MGMT: variants seen among roughly 807,000 people sequenced by gnomAD.
MGMT encodes methylated-DNA--protein-cysteine methyltransferase.
MGMT carries 14 observed loss-of-function variants against 15.9 expected under a neutral mutation model. That is an observed-to-expected ratio of 0.88 (90% CI 0.58 to 1.37). The LOEUF is 1.37. MGMT is among the 40% of genes most tolerant of loss of function. The pLI, the probability that MGMT is intolerant of heterozygous loss-of-function variation, is 0.00. For synonymous variants in MGMT, 130 were observed against 118.2 expected (o/e 1.10, Z -0.65); for missense variants, 282 against 268.1 (o/e 1.05, Z -0.36).
chr10:129,718,745 C>T lies in MGMT; in HGVS notation c.274+10702C>T, dbSNP rs1453575824. 3.3e-5 allele frequency among the ~76,000 whole-genome samples: 5 copies of T among 151,918 alleles called. No individual in the cohort carries two copies. The South Asian group carries it at 6.2e-4, about 19-fold the overall frequency. ...GAGCCAGTCTGCATGCCTGCTAAGG[C>T]GTGTCACCTTCCGCTCAGGTGTGTC... On this transcript the variant is annotated intron_variant, in intron 3 of 4. Coordinates refer to ENST00000651593, the MANE Select transcript of MGMT (RefSeq NM_002412.5).
chr10:129,770,637 C>T lies in MGMT; in HGVS notation c.*3640C>T, dbSNP rs1026238220. 1.3e-5 allele frequency among the ~76,000 whole-genome samples: 2 copies of T among 152,226 alleles called. No homozygotes were observed. Among genetic ancestry groups the T allele is most frequent in the Non-Finnish European group, 2.9e-5 (2 of 68,046 alleles). On this transcript the variant is annotated 3_prime_UTR_variant, in exon 5 of 5. Transcript: ENST00000651593. Reference sequence around the variant, plus strand: ...CATGAAGCTACAGATCTTAGTGCTACTTGGGCTTCTCACAGCACAGAGGAG... The same window carrying T: ...CATGAAGCTACAGATCTTAGTGCTATTTGGGCTTCTCACAGCACAGAGGAG...
intron 2 of MGMT, among the ~76,000 whole-genome samples, chr10:129,551,887 G>A (rs950295108): frequency 6.6e-6 from 1 of 152,166 alleles, no homozygotes; most frequent in Non-Finnish European, 1.5e-5. Context: ...GTGACCCCAG[G>A]CCACAGAAAC....
chr10:129,482,212 A>G lies in MGMT; in HGVS notation c.-13+14916A>G, dbSNP rs1845366216. ...TTCCAAGAATTTGGGGATTTAAAAA[A>G]TATTTGGGTACTTTCCCAGTATTTT... On this transcript the variant is annotated intron_variant, in intron 1 of 4. Coordinates refer to ENST00000651593, the MANE Select transcript of MGMT (RefSeq NM_002412.5). Among the ~76,000 whole-genome samples the G allele has an allele frequency of 1.3e-5, 2 of 152,196 alleles. 1 individual carries two copies. The highest frequency in any genetic ancestry group is 4.8e-5 in the African/African-American group (2 of 41,458).
At chr10:129,483,744 T>C (rs1470169613) in intron 1 of MGMT, among the ~76,000 whole-genome samples, 1 of 152,004 alleles carries the variant, frequency 6.6e-6, no homozygotes, top group East Asian at 1.9e-4. Context: ...TTCTTCTGCT[T>C]GGGTTTCACT....
intron 1 of MGMT, among the ~76,000 whole-genome samples, chr10:129,503,459 T>A (rs1845595114): frequency 6.6e-6 from 1 of 152,256 alleles, no homozygotes; most frequent in South Asian, 2.1e-4. Flanking sequence ...TTAACCTGAA[T>A]TAGCTTGACT....
chr10:129,578,977 C>T (rs901070306), intron 2 of MGMT, among the ~76,000 whole-genome samples: 1 of 152,178 alleles, frequency 6.6e-6, no homozygotes, highest in Admixed American at 6.5e-5. Context: ...TGAGCACTGC[C>T]TCATTTAAGC....
At chr10:129,637,198 G>C (rs776783285) in intron 2 of MGMT, among the ~76,000 whole-genome samples, 41 of 152,130 alleles carry the variant, frequency 2.7e-4, no homozygotes, top group Non-Finnish European at 4.0e-4. Flanking sequence ...GTCATTCCCA[G>C]GGAGAACTAG....
chr10:129,551,104 G>A (rs1028852225), intron 2 of MGMT, among the ~76,000 whole-genome samples: 6 of 152,210 alleles, frequency 3.9e-5, no homozygotes, highest in Non-Finnish European at 8.8e-5. Flanking sequence ...CACCAGGGTG[G>A]ACAGATGTTG....
At chr10:129,575,066 C>T (rs1443629133) in intron 2 of MGMT, among the ~76,000 whole-genome samples, 2 of 152,122 alleles carry the variant, frequency 1.3e-5, no homozygotes, top group Non-Finnish European at 2.9e-5. Context: ...GAAGATTAGT[C>T]TCCCACACAA....
At chr10:129,513,677 G>C in intron 1 of MGMT, among the ~76,000 whole-genome samples, 1 of 152,202 alleles carries the variant, frequency 6.6e-6, no homozygotes, top group East Asian at 1.9e-4. Context: ...GGAAAACAAG[G>C]AGAACTAGAA....
rs56919556 is a variant in MGMT at position 129,532,997 on chromosome 10, C to A, written c.-12-3244C>A. ...TGGCACATGTTGGCAGGCGTCAGCA[C>A]CAGGGCTGGGCTCCTGCCTGGGACT... On this transcript the variant is annotated intron_variant, in intron 1 of 4. Transcript: ENST00000651593. The surrounding 1 kb of genome is among the most constrained non-coding windows in gnomAD (Gnocchi z 5.3). Among the ~76,000 whole-genome samples the A allele has an allele frequency of 7.4e-3, 1,128 of 152,324 alleles. 21 individuals are homozygous for A. The highest frequency in any genetic ancestry group is 0.026 in the African/African-American group (1,088 of 41,574).
intron 2 of MGMT, among the ~76,000 whole-genome samples, chr10:129,573,117 T>C (rs496111): frequency 0.99 from 151,049 of 152,204 alleles, 74,959 homozygotes; most frequent in Middle Eastern, 1. Flanking sequence ...TTTCATTGAT[T>C]GTTTGGGGTT....
chr10:129,724,387 G>A (rs1342340008), intron 3 of MGMT, among the ~76,000 whole-genome samples: 1 of 152,184 alleles, frequency 6.6e-6, no homozygotes, highest in Non-Finnish European at 1.5e-5. Flanking sequence ...CTGGGGTTGT[G>A]CAGGCAGTGA....
chr10:129,678,157 T>C (rs1325365390), intron 2 of MGMT, among the ~76,000 whole-genome samples: 6 of 151,926 alleles, frequency 3.9e-5, no homozygotes, highest in Non-Finnish European at 8.8e-5. Context: ...CAGGAAACAT[T>C]ATTTCTGATT....
At chr10:129,528,572 G>A (rs1589851706) in intron 1 of MGMT, among the ~76,000 whole-genome samples, 1 of 152,096 alleles carries the variant, frequency 6.6e-6, no homozygotes, top group Non-Finnish European at 1.5e-5. Context: ...GCCAGAGAAG[G>A]AAGTGTGGCC....
rs1422984820 is a variant in MGMT at position 129,556,824 on chromosome 10, T to C, written c.125+20447T>C. The stretch of plus-strand genomic sequence containing the variant: ...GAGCAATGTTAGTCCCAAATCACTT[T>C]TTCACAACTTGTTTCTGTTCTGTCG... On this transcript the variant is annotated intron_variant, in intron 2 of 4. Coordinates refer to ENST00000651593, the MANE Select transcript of MGMT (RefSeq NM_002412.5). The surrounding 1 kb of genome is among the most constrained non-coding windows in gnomAD (Gnocchi z 4.3). 6.6e-6 allele frequency among the ~76,000 whole-genome samples: 1 copy of C among 152,212 alleles called. No individual in the cohort carries two copies. The highest frequency in any genetic ancestry group is 1.5e-5 in the Non-Finnish European group (1 of 68,040).
At chr10:129,703,940 G>C (rs1203702768) in intron 2 of MGMT, among the ~76,000 whole-genome samples, 2 of 152,110 alleles carry the variant, frequency 1.3e-5, no homozygotes, top group East Asian at 3.9e-4. Flanking sequence ...TGCTCTTCCT[G>C]TCTGGGCAGT....
At chr10:129,585,605 A>G (rs1010331770) in intron 2 of MGMT, among the ~76,000 whole-genome samples, 6 of 152,206 alleles carry the variant, frequency 3.9e-5, no homozygotes, top group African/African-American at 1.4e-4. Context: ...ATGATACCTA[A>G]TGCCTAGATA....
intron 2 of MGMT, among the ~76,000 whole-genome samples, chr10:129,631,867 A>G (rs1248265986): frequency 6.6e-6 from 1 of 152,208 alleles, no homozygotes; most frequent in Non-Finnish European, 1.5e-5. Context: ...TTTCTATTGC[A>G]TAATTAACTA....
Sources: gnomAD v4.1 joint callset for allele counts (sites outside exome capture counted in the v4.1 genomes callset) on GRCh38, gnomAD v4.1.1 for gene constraint, Gnocchi (gnomAD v3.1) non-coding constraint, MANE v1.5 for transcripts, NCBI Gene and HGNC (gene_info 2026-07-23, HGNC 2026-07-21) for gene names.